DLG2: variants seen among roughly 807,000 people sequenced by gnomAD.
DLG2 encodes the protein discs large MAGUK scaffold protein 2.
Under a neutral mutation model 132.5 loss-of-function variants are expected in DLG2, and 45 were observed. That is an observed-to-expected ratio of 0.34 (90% CI 0.27 to 0.44). The LOEUF (loss-of-function observed/expected upper bound fraction) is 0.44. Among genes scored for constraint, DLG2 ranks in the 20% least tolerant of loss-of-function variants. The pLI is 1.00. For missense variants in DLG2, 1,045 were observed against 1,196.9 expected, an observed-to-expected ratio of 0.87 and a Z score of 1.87; for synonymous variants, 424 against 419.6, an observed-to-expected ratio of 1.01 and a Z score of -0.13.
At chr11:84,892,826 T>A (rs950532112) in intron 6 of DLG2, among the ~76,000 whole-genome samples, 2 of 152,054 alleles carry the variant, frequency 1.3e-5, no homozygotes, top group Non-Finnish European at 1.5e-5. Flanking sequence ...CTTACCCTTT[T>A]ACTTCCTATA....
chr11:84,406,695 T>C (rs2098852054), intron 7 of DLG2, among the ~76,000 whole-genome samples: 1 of 152,234 alleles, frequency 6.6e-6, no homozygotes, highest in African/African-American at 2.4e-5. Flanking sequence ...TTTTCAATTC[T>C]GGAGGGAGCA....
At chr11:83,743,518 C>T (rs1024285835) in intron 18 of DLG2, among the ~76,000 whole-genome samples, 7 of 144,254 alleles carry the variant, frequency 4.9e-5, no homozygotes, top group Non-Finnish European at 7.4e-5. Flanking sequence ...ACTACAATTT[C>T]GACTTCCTGG....
chr11:84,711,009 G>GTT (rs2060330001), intron 6 of DLG2, among the ~76,000 whole-genome samples: 1 of 89,094 alleles, frequency 1.1e-5, no homozygotes, highest in Non-Finnish European at 2.4e-5. Context: ...TATATATATA[G>GTT]ATATATATAT....
At chr11:83,551,089 T>G (rs912086939) in intron 19 of DLG2, among the ~76,000 whole-genome samples, 2 of 152,188 alleles carry the variant, frequency 1.3e-5, no homozygotes, top group Non-Finnish European at 2.9e-5. Flanking sequence ...CAGTATGATT[T>G]TCAGCAAATT....
At chr11:84,836,726 A>G (rs1317479448) in intron 6 of DLG2, among the ~76,000 whole-genome samples, 2 of 151,868 alleles carry the variant, frequency 1.3e-5, no homozygotes, top group African/African-American at 4.8e-5. Context: ...TATATGTTCT[A>G]TTTCTAACAA....
intron 7 of DLG2, among the ~76,000 whole-genome samples, chr11:84,386,930 T>A (rs780668044): frequency 6.6e-6 from 1 of 152,152 alleles, no homozygotes; most frequent in Non-Finnish European, 1.5e-5. Flanking sequence ...GTCATATTTT[T>A]AGTTATTTAC....
At chr11:84,755,426 T>C (rs2066730289) in intron 6 of DLG2, among the ~76,000 whole-genome samples, 1 of 13,186 alleles carries the variant, frequency 7.6e-5, no homozygotes. Flanking sequence ...CAATTGTTTT[T>C]TGTTTTGTTT....
In DLG2 at chr11:84,144,824, AT is replaced by A. The variant is rs1354973040; in HGVS notation, c.624+18636del. ...AAGCACTAGGAATGACTGAAGTTAT[AT>A]TTTTTGCCAGCCTGAGAGTTAAGCT... On this transcript the variant is annotated intron_variant, in intron 9 of 27. Transcript: ENST00000376104. 8.6e-5 allele frequency among the ~76,000 whole-genome samples: 13 copies of A among 151,810 alleles called. No homozygotes were observed. In the East Asian group the frequency reaches 1.7e-3, roughly 20 times the overall value.
chr11:83,797,582 C>G (rs1245878427), intron 17 of DLG2, among the ~76,000 whole-genome samples: 1 of 151,814 alleles, frequency 6.6e-6, no homozygotes, highest in Non-Finnish European at 1.5e-5. Flanking sequence ...TGCAGTGGTG[C>G]TATCTCGCTC....
At chr11:84,715,161 A>T (rs761198884) in intron 6 of DLG2, among the ~76,000 whole-genome samples, 3 of 152,160 alleles carry the variant, frequency 2.0e-5, no homozygotes, top group Non-Finnish European at 2.9e-5. Flanking sequence ...AAGATACCTG[A>T]TGTGTCCTAC....
chr11:84,410,574 C>CT (rs367980167), intron 7 of DLG2, among the ~76,000 whole-genome samples: 5,305 of 108,934 alleles, frequency 0.049, 194 homozygotes, highest in South Asian at 0.1. Flanking sequence ...ACCACATAAA[C>CT]TTTTTTTTTT....
intron 11 of DLG2, among the ~76,000 whole-genome samples, chr11:84,056,600 A>G (rs1379984162): frequency 6.6e-6 from 1 of 152,102 alleles, no homozygotes; most frequent in Non-Finnish European, 1.5e-5. Context: ...ATTGGTAGGA[A>G]TTCCCTTTAC....
intron 3 of DLG2, among the ~76,000 whole-genome samples, chr11:85,503,775 T>C (rs1805673052): frequency 6.6e-6 from 1 of 151,838 alleles, no homozygotes; most frequent in Non-Finnish European, 1.5e-5. Context: ...CTACTAAAAA[T>C]CAAAAAATTA....
At chr11:84,085,718 T>C (rs978140559) in intron 10 of DLG2, among the ~76,000 whole-genome samples, 6 of 152,160 alleles carry the variant, frequency 3.9e-5, no homozygotes, top group African/African-American at 1.4e-4. Context: ...ATTCCAGAAA[T>C]TGCACCCTAT....
chr11:83,801,277 T>C (rs2044302838), intron 17 of DLG2, among the ~76,000 whole-genome samples: 1 of 151,854 alleles, frequency 6.6e-6, no homozygotes, highest in Non-Finnish European at 1.5e-5. Flanking sequence ...GATGGGTCCC[T>C]CCATTGTCTC....
chr11:84,237,897 C>G (rs557222389), intron 8 of DLG2, among the ~76,000 whole-genome samples: 7 of 151,496 alleles, frequency 4.6e-5, no homozygotes, highest in African/African-American at 1.7e-4. Flanking sequence ...AAAAATTAGC[C>G]GGGTGTGGTG....
intron 4 of DLG2, among the ~76,000 whole-genome samples, chr11:85,251,710 A>G (rs1212340803): frequency 6.6e-6 from 1 of 152,196 alleles, no homozygotes; most frequent in Non-Finnish European, 1.5e-5. Flanking sequence ...ACTGATTAAG[A>G]GGCCATTAAT....
chr11:83,921,702 G>C (rs999287365), intron 15 of DLG2, among the ~76,000 whole-genome samples: 1 of 152,118 alleles, frequency 6.6e-6, no homozygotes, highest in African/African-American at 2.4e-5. Flanking sequence ...TTTTGAAGCT[G>C]TGCTTATTCT....
chr11:84,054,035 G>A (rs1368395118), intron 11 of DLG2, among the ~76,000 whole-genome samples: 1 of 152,048 alleles, frequency 6.6e-6, no homozygotes, highest in Non-Finnish European at 1.5e-5. Flanking sequence ...TTTTATTAAT[G>A]AGTAAGGTGG....
Sources: gnomAD v4.1 joint callset for allele counts (sites outside exome capture counted in the v4.1 genomes callset) on GRCh38, gnomAD v4.1.1 for gene constraint, MANE v1.5 for transcripts, NCBI Gene and HGNC (gene_info 2026-07-23, HGNC 2026-07-21) for gene names.